Variants in CHD6 observed in about 807,000 individuals in gnomAD.
CHD6 encodes the protein chromodomain helicase DNA binding protein 6.
A neutral mutation model predicts 276.9 loss-of-function variants in CHD6; 50 were observed. The ratio of observed to expected loss-of-function variants is 0.18; its 90% CI spans 0.14 to 0.23. The LOEUF (loss-of-function observed/expected upper bound fraction) is 0.23. Among genes scored for constraint, CHD6 ranks in the 10% least tolerant of loss-of-function variants. The probability of loss-of-function intolerance (pLI) is 1.00; values close to 1 mark genes in which losing one functional copy is unlikely to be tolerated. For missense variants in CHD6, 2,564 were observed against 3,365.8 expected, an observed-to-expected ratio of 0.76 and a Z score of 5.89; for synonymous variants, 1,173 against 1,229.3, an observed-to-expected ratio of 0.95 and a Z score of 0.96.
At position 41,591,377 on chromosome 20, in the gene CHD6, TATACACAC is replaced by T. The variant is rs1276462617; in HGVS notation, c.-24+26955_-24+26962del. 1.8e-3 allele frequency among the ~76,000 whole-genome samples: 219 copies of T among 122,942 alleles called. 2 individuals are homozygous for T. Among genetic ancestry groups the T allele is most frequent in the African/African-American group, 8.5e-3 (207 of 24,360 alleles). The allele number at this position is 122,942 out of a possible 152,430, so 80.7% of individuals were successfully genotyped here. ...AAGTATAATTTTACATATATATATA[TATACACAC>T]ACACACACACACACACACACACATA... On this transcript the variant is annotated intron_variant, in intron 1 of 36. Transcript: ENST00000373233.
At chr20:41,442,949 C>G (rs139177197) in intron 25 of CHD6, among the ~76,000 whole-genome samples, 1 of 152,222 alleles carries the variant, frequency 6.6e-6, no homozygotes, top group African/African-American at 2.4e-5. Flanking sequence ...ATGGCTTAGG[C>G]TCAGTCTCCT....
At chr20:41,562,135 T>C (rs1278091103) in intron 1 of CHD6, among the ~76,000 whole-genome samples, 1 of 152,198 alleles carries the variant, frequency 6.6e-6, no homozygotes, top group Non-Finnish European at 1.5e-5. Context: ...CTTCATGTTC[T>C]ACTTTCTGAG....
At chr20:41,505,530 C>T (rs1230379051) in intron 5 of CHD6, among the ~76,000 whole-genome samples, 1 of 152,180 alleles carries the variant, frequency 6.6e-6, no homozygotes, top group Non-Finnish European at 1.5e-5. Flanking sequence ...AAACAGCCAG[C>T]CATCGTCAGC....
At chr20:41,572,415 A>G (rs941651581) in intron 1 of CHD6, among the ~76,000 whole-genome samples, 1 of 152,138 alleles carries the variant, frequency 6.6e-6, no homozygotes, top group African/African-American at 2.4e-5. Context: ...TCCTGTAGAC[A>G]CGGACAGCAG....
chr20:41,413,419 T>G lies in CHD6; in HGVS notation c.7036A>C (p.Ser2346Arg), dbSNP rs759921421. The change falls in exon 35 of 37, where the codon AGC (serine) becomes CGC (arginine). Residue 2346 changes from serine to arginine, a missense_variant. Ser to Arg is a moderately radical substitution (Grantham distance 110). Coordinates refer to ENST00000373233, the MANE Select transcript of CHD6 (RefSeq NM_032221.5). The stretch of plus-strand genomic sequence containing the variant: ...GGAATGGATTTCTCGGCTTGGCTGC[T>G]GGCTGCCGTAGCTGGCTCAGGAGCC... ...TSAPEPATAASSQAEKSIPSK... is the reference protein window; with the variant it reads ...TSAPEPATAARSQAEKSIPSK... 4 of 1,611,922 alleles carry G rather than the reference T, an allele frequency of 2.5e-6. No homozygotes were observed. In the East Asian group the frequency reaches 8.9e-5, roughly 36 times the overall value.
At chr20:41,578,808 C>T (rs1017761137) in intron 1 of CHD6, among the ~76,000 whole-genome samples, 6 of 150,924 alleles carry the variant, frequency 4.0e-5, no homozygotes, top group African/African-American at 1.5e-4. Context: ...GTGGGAGGAT[C>T]ACTTGAGCCC....
Position 41,445,697 on chromosome 20 carries a change from T to A in CHD6, c.3845A>T (p.Asp1282Val). ...IPVDWWDAEA[D>V]KSLLIGVFKH... ...GAACACGCCAATGAGAAGTGACTTATCGGCTTCAGCATCCCACCAGTCCAC... is the reference window on the plus strand; with the variant it reads ...GAACACGCCAATGAGAAGTGACTTAACGGCTTCAGCATCCCACCAGTCCAC... The change falls in exon 25 of 37, where the codon GAT becomes GTT. Residue 1282 changes from aspartate (D) to valine (V), a missense_variant. By Grantham distance (152) the Asp-to-Val change is radical. Coordinates refer to ENST00000373233, the MANE Select transcript of CHD6 (RefSeq NM_032221.5). 6.2e-7 allele frequency: 1 copy of A among 1,613,742 alleles called. No homozygotes were observed. The highest frequency in any genetic ancestry group is 8.5e-7 in the Non-Finnish European group (1 of 1,179,664).
chr20:41,445,283 A>G (rs1036186442), intron 25 of CHD6, among the ~76,000 whole-genome samples: 7 of 152,214 alleles, frequency 4.6e-5, no homozygotes, highest in Non-Finnish European at 8.8e-5. Context: ...TTCTGCATAT[A>G]TAAGAAATGC....
In CHD6 at chr20:41,420,803, C is replaced by G; in HGVS notation, c.5832G>C (p.Glu1944Asp). ...CATTCTCGAGGCCATGCATCCACCT[C>G]TCCATGTGTTTGCAGTGGCACTGAC... ...AACQCHCKHM[E>D]RWMHGLENDE... Residue 1944 changes from glutamate (E) to aspartate (D), a missense_variant, in exon 31 of 37, where the codon GAG (glutamate) becomes GAC (aspartate). Physicochemically the swap from Glu to Asp is conservative, Grantham distance 45 (BLOSUM62 2). Around this residue, in one of 7 missense-constraint regions of CHD6, gnomAD observed 1,024 missense variants for 1,047.9 expected, o/e 0.98. Transcript: ENST00000373233. 1.9e-6 allele frequency: 3 copies of G among 1,614,224 alleles called. No homozygotes were observed. Among genetic ancestry groups the G allele is most frequent in the Non-Finnish European group, 2.5e-6 (3 of 1,180,044 alleles).
intron 17 of CHD6, among the ~76,000 whole-genome samples, chr20:41,467,864 G>C (rs1002672124): frequency 6.6e-6 from 1 of 151,728 alleles, no homozygotes; most frequent in Non-Finnish European, 1.5e-5. Flanking sequence ...TACTCAAAAG[G>C]AACGTGACTC....
chr20:41,548,359 G>A (rs952732254), intron 2 of CHD6, among the ~76,000 whole-genome samples: 1 of 152,240 alleles, frequency 6.6e-6, no homozygotes, highest in Non-Finnish European at 1.5e-5. Context: ...CATAACAGCT[G>A]GCTAACATAC....
At chr20:41,437,145 A>G (rs1225879509) in intron 27 of CHD6, 129 bp downstream of exon 27, 1 of 641,612 alleles carries the variant, frequency 1.6e-6, no homozygotes, top group African/African-American at 1.8e-5. Flanking sequence ...TTTTTATAAT[A>G]AAATGTTGGG....
intron 2 of CHD6, among the ~76,000 whole-genome samples, chr20:41,542,312 C>T (rs931227411): frequency 9.2e-5 from 14 of 152,302 alleles, no homozygotes; most frequent in Non-Finnish European, 1.9e-4. Context: ...TAGCTTTGGG[C>T]TACCAGAGGC....
intron 3 of CHD6, among the ~76,000 whole-genome samples, chr20:41,525,024 T>C (rs993207943): frequency 2.6e-5 from 4 of 152,186 alleles, no homozygotes; most frequent in African/African-American, 9.7e-5. Context: ...GATTTCCTAT[T>C]GAAAATCAAC....
chr20:41,440,174 A>G (rs1234438487), intron 25 of CHD6, 45 bp from the exon 26 acceptor site: 1 of 1,586,924 alleles, frequency 6.3e-7, no homozygotes, highest in African/African-American at 1.3e-5. Flanking sequence ...GTTAGAACTC[A>G]CAATATTTGC....
At position 41,404,336 on chromosome 20, in the gene CHD6, AC is replaced by A; in HGVS notation, c.*256del. ...GGGCGTGTCACCAAGTACTGTATTA[AC>A]TATGATTGCTGGAATGAACTGGATA... On this transcript the variant is annotated 3_prime_UTR_variant, in exon 37 of 37. Transcript: ENST00000373233. 8.3e-7 allele frequency: 1 copy of A among 1,198,262 alleles called. No individual in the cohort carries two copies. Among genetic ancestry groups the A allele is most frequent in the East Asian group, 3.4e-5 (1 of 29,082 alleles). The allele number at this position is 1,198,262 out of a possible 1,614,324, so 74.2% of individuals were successfully genotyped here.
rs781684486 is a variant in CHD6, at chr20:41,423,562, C to T, written c.4485G>A (p.Leu1495=). 3.1e-6 allele frequency: 5 copies of T among 1,614,210 alleles called. No individual in the cohort carries two copies. The East Asian group carries it at 8.9e-5, about 29-fold the overall frequency. The stretch of plus-strand genomic sequence containing the variant: ...CCACAAAACTATAAAAATACTGTTC[C>T]AGGCTCTCATCCGACTTCTTGTCCA... ...SRLDKKSDES[L]EQYFYSFVAM... Residue 1495 remains leucine (L), a synonymous_variant, in exon 30 of 37, where the codon CTG becomes CTA. Coordinates refer to ENST00000373233, the MANE Select transcript of CHD6 (RefSeq NM_032221.5).
rs1406828928 is a variant in CHD6, at chr20:41,419,466, G to C, written c.6127+1042C>G. On this transcript the variant is annotated intron_variant, in intron 31 of 36. Coordinates refer to ENST00000373233, the MANE Select transcript of CHD6 (RefSeq NM_032221.5). ...TGGCACACACCTGTAATCCCAGCTTGGGATGTTGAACCCAGGAGGCACAGG... is the reference window on the plus strand; with the variant it reads ...TGGCACACACCTGTAATCCCAGCTTCGGATGTTGAACCCAGGAGGCACAGG... 2.1e-5 allele frequency among the ~76,000 whole-genome samples: 3 copies of C among 143,312 alleles called. No homozygotes were observed. The Admixed American group carries it at 2.2e-4, about 10-fold the overall frequency. 94.0% of individuals were successfully genotyped at this position (143,312 alleles called of 152,430 possible). A position where few individuals can be genotyped will look rare whatever the true frequency, so the allele number is the denominator to read the frequency against.
intron 27 of CHD6, 197 bp downstream of exon 27, chr20:41,437,077 T>A: frequency 1.7e-6 from 1 of 573,216 alleles, no homozygotes; most frequent in Non-Finnish European, 3.1e-6. Context: ...TATACAGTTA[T>A]CTCAAAATAA....
Sources: allele counts gnomAD v4.1 joint callset (sites outside exome capture counted in the v4.1 genomes callset), GRCh38; gene constraint gnomAD v4.1.1; regional missense constraint gnomAD v4.1.1; transcripts MANE v1.5; gene names NCBI Gene and HGNC (gene_info 2026-07-23, HGNC 2026-07-21).